Variants in FBXO4 observed in about 807,000 individuals in gnomAD.
FBXO4 encodes F-box protein 4.
A neutral mutation model predicts 43.7 loss-of-function variants in FBXO4; 36 were observed. The ratio of observed to expected loss-of-function variants is 0.82; its 90% CI spans 0.63 to 1.09. FBXO4 has a LOEUF of 1.09. Among genes scored for constraint, FBXO4 ranks in the 50% least tolerant of loss-of-function variants. The pLI is 0.00. For missense variants in FBXO4, 435 were observed against 474.1 expected (o/e 0.92, Z 0.77); for synonymous variants, 180 against 165.6 (o/e 1.09, Z -0.67).
At chr5:41,960,303 A>G in the FBXO4 span, among the ~76,000 whole-genome samples, 1 of 152,098 alleles carries the variant, frequency 6.6e-6, no homozygotes, top group Non-Finnish European at 1.5e-5. Context: ...ATGAACAGAA[A>G]TAATTTAACT....
the FBXO4 span, among the ~76,000 whole-genome samples, chr5:42,031,746 G>A: frequency 2.0e-5 from 3 of 152,146 alleles, no homozygotes; most frequent in East Asian, 5.8e-4. Context: ...GCTAGTAGAT[G>A]TTCTTCAGTG....
rs1249235394 is a variant in FBXO4 at position 41,925,335 on chromosome 5, G to T, written c.26G>T (p.Gly9Val). 1.5e-6 allele frequency: 2 copies of T among 1,363,268 alleles called. No individual in the cohort carries two copies. The highest frequency in any genetic ancestry group is 9.5e-7 in the Non-Finnish European group (1 of 1,054,214). The allele number at this position is 1,363,268 out of a possible 1,614,324, so 84.4% of individuals were successfully genotyped here. A position where few individuals can be genotyped will look rare whatever the true frequency, so the allele number is the denominator to read the frequency against. The change falls in exon 1 of 7, where the codon GGA (glycine) becomes GTA (valine). Residue 9 changes from glycine (G) to valine (V), a missense_variant. Physicochemically the swap from Gly to Val is moderately radical, Grantham distance 109. Transcript: ENST00000281623. ...ATGGCGGGAAGCGAGCCGCGCAGCG[G>T]AACAAACTCGCCGCCGCCGCCCTTC... is the stretch of plus-strand genomic sequence containing the variant. MAGSEPRS[G>V]TNSPPPPFSD...
rs1254182038 is a variant in FBXO4, at chr5:41,927,098, CTG to C, written c.277_278del (p.Val93LysfsTer21). ...AGTACAAATCATTATTGGAATGAAA[CTG>C]TAAGAGATCCAATTCTGTGGAGATA... On this transcript the variant is annotated frameshift_variant, in exon 2 of 7. Transcript: ENST00000281623. LOFTEE classifies it high-confidence loss of function. The C allele has an allele frequency of 1.2e-6, 2 of 1,613,778 alleles. No homozygotes were observed. Among genetic ancestry groups the C allele is most frequent in the Non-Finnish European group, 1.7e-6 (2 of 1,179,834 alleles).
the FBXO4 span, among the ~76,000 whole-genome samples, chr5:42,010,249 C>T: frequency 6.6e-6 from 1 of 151,982 alleles, no homozygotes; most frequent in East Asian, 1.9e-4. Context: ...CCTGTAATCC[C>T]AGCACTTTGG....
At chr5:41,965,396 A>C in the FBXO4 span, among the ~76,000 whole-genome samples, 47 of 152,190 alleles carry the variant, frequency 3.1e-4, no homozygotes, top group Non-Finnish European at 4.9e-4. Flanking sequence ...TGAACTTTAA[A>C]GTATTTTTTT....
At chr5:42,005,384 G>A in the FBXO4 span, among the ~76,000 whole-genome samples, 2 of 152,104 alleles carry the variant, frequency 1.3e-5, no homozygotes, top group African/African-American at 4.8e-5. Flanking sequence ...CTTCCAACTT[G>A]GCTTATCTTG....
the FBXO4 span, among the ~76,000 whole-genome samples, chr5:41,981,829 A>G: frequency 1.3e-5 from 2 of 150,692 alleles, no homozygotes; most frequent in Admixed American, 6.6e-5. Flanking sequence ...TACATGTGCC[A>G]TGTTGGTGTG....
At chr5:41,944,301 A>G (rs139791438), downstream of FBXO4, among the ~76,000 whole-genome samples, 6 of 152,336 alleles carry the variant, frequency 3.9e-5, no homozygotes, top group Admixed American at 2.6e-4. Context: ...ATACCTAGAG[A>G]AAGTACAATT....
the FBXO4 span, among the ~76,000 whole-genome samples, chr5:41,960,246 G>GT: frequency 6.6e-5 from 10 of 151,530 alleles, no homozygotes; most frequent in African/African-American, 2.2e-4. Context: ...AGTTTTAACA[G>GT]TTTTTTTTGG....
chr5:41,986,988 C>A, the FBXO4 span, among the ~76,000 whole-genome samples: 1 of 152,150 alleles, frequency 6.6e-6, no homozygotes, highest in African/African-American at 2.4e-5. Context: ...AGTTTAAATC[C>A]ATTTAGCTTT....
intron 4 of FBXO4, 39 bp from the exon 5 acceptor site, chr5:41,934,094 G>A: frequency 6.2e-7 from 1 of 1,612,430 alleles, no homozygotes; most frequent in Non-Finnish European, 8.5e-7. Flanking sequence ...AGCCTGTTTA[G>A]TGTCTTTTTA....
chr5:41,940,240 T>C (rs1751970952), intron 6 of FBXO4, among the ~76,000 whole-genome samples: 1 of 152,056 alleles, frequency 6.6e-6, no homozygotes, highest in South Asian at 2.1e-4. Context: ...TGTTCCATCT[T>C]ATAGTTTATT....
chr5:41,933,153 G>A (rs866108709), intron 3 of FBXO4, among the ~76,000 whole-genome samples: 63 of 152,248 alleles, frequency 4.1e-4, no homozygotes, highest in South Asian at 1.7e-3. Flanking sequence ...CAACTCTGAC[G>A]AATTCTAAAT....
At chr5:41,967,173 C>A in the FBXO4 span, 1 of 458,960 alleles carries the variant, frequency 2.2e-6, no homozygotes. Context: ...TAGACTTCAG[C>A]ACTTTCCGTT....
Position 41,927,014 on chromosome 5 carries a change from T to C in FBXO4, c.191T>C (p.Ile64Thr), listed in dbSNP as rs369331501. The part of the protein sequence containing the change: ...EAASTLTRLP[I>T]DVQLYILSFL... The stretch of plus-strand genomic sequence containing the variant: ...ACCTGCTGCTTTCTTCTGTTTCAGA[T>C]TGATGTACAGCTATATATTTTGTCC... The change falls in exon 2 of 7, where the codon ATT (isoleucine) becomes ACT (threonine). Residue 64 changes from isoleucine to threonine, a missense_variant and splice_region_variant. Coordinates refer to ENST00000281623, the MANE Select transcript of FBXO4 (RefSeq NM_012176.3). The C allele has an allele frequency of 1.0e-5, 16 of 1,574,268 alleles. No homozygotes were observed. The highest frequency in any genetic ancestry group is 2.4e-5 in the South Asian group (2 of 84,590).
At chr5:41,956,130 A>G in the FBXO4 span, among the ~76,000 whole-genome samples, 1 of 152,232 alleles carries the variant, frequency 6.6e-6, no homozygotes, top group Non-Finnish European at 1.5e-5. Flanking sequence ...AAGCAGGAGA[A>G]AACCTATCAA....
At chr5:41,925,630 C>T (rs1421786510) in intron 1 of FBXO4, 132 bp downstream of exon 1, 4 of 599,288 alleles carry the variant, frequency 6.7e-6, no homozygotes, top group African/African-American at 3.8e-5. Flanking sequence ...GCAGCCATTC[C>T]TGGCAGTGTA....
At chr5:41,966,552 A>G in the FBXO4 span, among the ~76,000 whole-genome samples, 2 of 152,182 alleles carry the variant, frequency 1.3e-5, no homozygotes, top group African/African-American at 4.8e-5. Flanking sequence ...TTTCCCAATG[A>G]CTGACTAAAC....
chr5:41,982,825 G>T, the FBXO4 span, among the ~76,000 whole-genome samples: 2 of 151,978 alleles, frequency 1.3e-5, no homozygotes, highest in Admixed American at 1.3e-4. Context: ...CCATCAACCC[G>T]TTATCTACAT....
Sources: allele counts gnomAD v4.1 joint callset (sites outside exome capture counted in the v4.1 genomes callset), GRCh38; gene constraint gnomAD v4.1.1; transcripts MANE v1.5; gene names NCBI Gene and HGNC (gene_info 2026-07-23, HGNC 2026-07-21).